PPM1L: variants seen among roughly 807,000 people sequenced by gnomAD.
PPM1L encodes protein phosphatase 1L.
PPM1L carries 13 observed loss-of-function variants against 31.4 expected under a neutral mutation model. The ratio of observed to expected loss-of-function variants is 0.41; its 90% confidence interval spans 0.27 to 0.66. The LOEUF is 0.66. PPM1L is among the 30% of genes least tolerant of loss of function. The pLI, the probability that PPM1L is intolerant of heterozygous loss-of-function variation, is 0.29. For missense variants in PPM1L, 326 were observed against 453.7 expected (o/e 0.72, Z 2.56); for synonymous variants, 184 against 175.4 (o/e 1.05, Z -0.39).
At chr3:160,859,451 T>C (rs985700877) in intron 1 of PPM1L, among the ~76,000 whole-genome samples, 2 of 152,212 alleles carry the variant, frequency 1.3e-5, no homozygotes, top group Non-Finnish European at 2.9e-5. Context: ...TAACTGGATA[T>C]TCTCAAGAGG....
At chr3:161,025,504 C>T (rs1474941632) in intron 2 of PPM1L, among the ~76,000 whole-genome samples, 3 of 150,802 alleles carry the variant, frequency 2.0e-5, no homozygotes, top group East Asian at 2.0e-4. Context: ...TTAAGGAGTT[C>T]GTGGCTTCAT....
chr3:160,988,932 A>T (rs1459036632), intron 2 of PPM1L, among the ~76,000 whole-genome samples: 2 of 152,198 alleles, frequency 1.3e-5, no homozygotes, highest in Non-Finnish European at 2.9e-5. Context: ...TTAACACCCT[A>T]GTAATCAGAA....
chr3:160,813,754 T>C (rs2108086125), intron 1 of PPM1L, among the ~76,000 whole-genome samples: 1 of 152,372 alleles, frequency 6.6e-6, no homozygotes, highest in African/African-American at 2.4e-5. Flanking sequence ...TTTGGTTTCA[T>C]GCATGCATTT....
At position 160,970,701 on chromosome 3, in the gene PPM1L, A is replaced by G. The variant is rs531788930; in HGVS notation, c.574+8791A>G. Among the ~76,000 whole-genome samples, 3 of 148,892 alleles carry G rather than the reference A, an allele frequency of 2.0e-5. No homozygotes were observed. The East Asian group carries it at 5.9e-4, about 29-fold the overall frequency. Reference sequence around the variant, plus strand: ...TCAAAGTCCTGACCTCAAGTGATTCACCCACCTTAGCCTCCCAAAGTGCTG... The same window carrying G: ...TCAAAGTCCTGACCTCAAGTGATTCGCCCACCTTAGCCTCCCAAAGTGCTG... On this transcript the variant is annotated intron_variant, in intron 2 of 3. Coordinates refer to ENST00000498165, the MANE Select transcript of PPM1L (RefSeq NM_139245.4).
At chr3:160,938,406 T>TA (rs1449776439) in intron 1 of PPM1L, among the ~76,000 whole-genome samples, 1 of 152,212 alleles carries the variant, frequency 6.6e-6, no homozygotes. Flanking sequence ...TTATGGAGTT[T>TA]AACCTTGCGA....
chr3:160,872,904 G>T (rs527729070), intron 1 of PPM1L, among the ~76,000 whole-genome samples: 18 of 152,252 alleles, frequency 1.2e-4, no homozygotes, highest in African/African-American at 4.3e-4. Flanking sequence ...TCCAGCCTGG[G>T]CGGCACAGCG....
chr3:160,842,592 C>A (rs901951674), intron 1 of PPM1L, among the ~76,000 whole-genome samples: 2 of 152,196 alleles, frequency 1.3e-5, no homozygotes, highest in African/African-American at 2.4e-5. Flanking sequence ...GCTCTGTCTT[C>A]ACTTCTGATG....
chr3:160,919,962 T>G (rs1334483939), intron 1 of PPM1L, among the ~76,000 whole-genome samples: 1 of 152,136 alleles, frequency 6.6e-6, no homozygotes, highest in Non-Finnish European at 1.5e-5. Context: ...CTCCCCACAA[T>G]GCCCTCTCCC....
chr3:160,995,691 T>G (rs1717295604), intron 2 of PPM1L, among the ~76,000 whole-genome samples: 1 of 152,056 alleles, frequency 6.6e-6, no homozygotes, highest in South Asian at 2.1e-4. Context: ...TTCTAAAGAA[T>G]GAGAGAAACT....
At chr3:160,762,318 A>G (rs1389937502) in intron 1 of PPM1L, among the ~76,000 whole-genome samples, 5 of 152,144 alleles carry the variant, frequency 3.3e-5, no homozygotes, top group South Asian at 2.1e-4. Context: ...TTTTTTTTCA[A>G]TGAAACCCTC....
Position 161,078,161 on chromosome 3 carries a change from T to C in PPM1L, c.*9004T>C, listed in dbSNP as rs146366863. ...TTCTGATTTAGTAAGATTAAAACCATAGATGGAGCTCAGTTATTAAGGATG... is the reference window on the plus strand; with the variant it reads ...TTCTGATTTAGTAAGATTAAAACCACAGATGGAGCTCAGTTATTAAGGATG... On this transcript the variant is annotated 3_prime_UTR_variant, in exon 4 of 4. Transcript: ENST00000498165. The C allele has an allele frequency of 3.3e-5, 5 of 152,196 alleles. No individual in the cohort carries two copies. Among genetic ancestry groups the C allele is most frequent in the African/African-American group, 1.2e-4 (5 of 41,516 alleles). The allele number at this position is 152,196 out of a possible 1,614,324, so 9.4% of individuals were successfully genotyped here. A position where few individuals can be genotyped will look rare whatever the true frequency, so the allele number is the denominator to read the frequency against.
At chr3:160,882,203 G>A (rs1213833287) in intron 1 of PPM1L, 2 of 152,174 alleles carry the variant, frequency 1.3e-5, no homozygotes, top group African/African-American at 2.4e-5. Context: ...ACTACTGGTT[G>A]ATGTAATCTA....
At chr3:160,928,301 G>C (rs1714668451) in intron 1 of PPM1L, among the ~76,000 whole-genome samples, 1 of 152,124 alleles carries the variant, frequency 6.6e-6, no homozygotes, top group Non-Finnish European at 1.5e-5. Context: ...TTCACTTCTA[G>C]CAACAGACTG....
At chr3:160,886,666 TCAA>T (rs535706381) in intron 1 of PPM1L, among the ~76,000 whole-genome samples, 1 of 152,070 alleles carries the variant, frequency 6.6e-6, no homozygotes, top group South Asian at 2.1e-4. Flanking sequence ...AACATCTGCA[TCAA>T]CAACAACAAA....
chr3:160,758,907 G>A (rs747296966), intron 1 of PPM1L, among the ~76,000 whole-genome samples: 31 of 152,234 alleles, frequency 2.0e-4, no homozygotes, highest in Admixed American at 3.3e-4. Flanking sequence ...GAAAAATAGA[G>A]TATTTGTTCT....
chr3:160,880,982 A>C (rs1712691858), intron 1 of PPM1L, among the ~76,000 whole-genome samples: 1 of 152,196 alleles, frequency 6.6e-6, no homozygotes, highest in Non-Finnish European at 1.5e-5. Context: ...TGTTTATTTC[A>C]TAGGACAGTA....
intron 1 of PPM1L, among the ~76,000 whole-genome samples, chr3:160,925,650 G>A (rs1350928293): frequency 1.3e-5 from 2 of 152,090 alleles, no homozygotes; most frequent in Non-Finnish European, 2.9e-5. Context: ...TCTACCATAT[G>A]TTTTGAGAAT....
chr3:160,922,107 A>G (rs13313977), intron 1 of PPM1L, among the ~76,000 whole-genome samples: 4,610 of 152,172 alleles, frequency 0.03, 209 homozygotes, highest in African/African-American at 0.1. Flanking sequence ...TCAGGAGATC[A>G]AGACCATCCT....
chr3:160,774,549 G>A (rs935502880), intron 1 of PPM1L, among the ~76,000 whole-genome samples: 1 of 151,932 alleles, frequency 6.6e-6, no homozygotes, highest in Non-Finnish European at 1.5e-5. Flanking sequence ...TGAAATTTTG[G>A]GTTCTCATAA....
Sources: allele counts gnomAD v4.1 joint callset (sites outside exome capture counted in the v4.1 genomes callset), GRCh38; gene constraint gnomAD v4.1.1; transcripts MANE v1.5; gene names NCBI Gene and HGNC (gene_info 2026-07-23, HGNC 2026-07-21).